The following EFNA5 variants were observed in gnomAD, a reference collection of about 807,000 sequenced individuals.
The protein encoded by EFNA5 is ephrin A5.
Under a neutral mutation model 22.9 loss-of-function variants are expected in EFNA5, and 5 were observed. That is an observed-to-expected ratio of 0.22 (90% CI 0.11 to 0.46). The LOEUF is 0.46. Among genes scored for constraint, EFNA5 ranks in the 20% least tolerant of loss-of-function variants. EFNA5 has a pLI of 0.99. For synonymous variants in EFNA5, 113 were observed against 112.2 expected (o/e 1.01, Z -0.04); for missense variants, 237 against 293.3 (o/e 0.81, Z 1.40).
chr5:107,558,364 A>T (rs184030786), intron 1 of EFNA5, among the ~76,000 whole-genome samples: 1 of 152,114 alleles, frequency 6.6e-6, no homozygotes, highest in Non-Finnish European at 1.5e-5. Context: ...GCTTTCAGGA[A>T]ATAGTAATTT....
intron 1 of EFNA5, among the ~76,000 whole-genome samples, chr5:107,653,870 T>C (rs955764014): frequency 1.3e-5 from 2 of 152,106 alleles, no homozygotes; most frequent in African/African-American, 4.8e-5. Flanking sequence ...TATCAACCAC[T>C]CAAGAGCTTG....
chr5:107,437,810 G>A (rs1033439513), intron 1 of EFNA5, among the ~76,000 whole-genome samples: 2 of 152,028 alleles, frequency 1.3e-5, no homozygotes, highest in African/African-American at 4.8e-5. Context: ...TTTGAGAGAA[G>A]CTAAATATTA....
chr5:107,501,925 T>C (rs915447765), intron 1 of EFNA5, among the ~76,000 whole-genome samples: 1 of 152,210 alleles, frequency 6.6e-6, no homozygotes, highest in African/African-American at 2.4e-5. Context: ...ATTTAAACTG[T>C]TTCTTGCCTT....
At chr5:107,408,809 G>A (rs980640465) in intron 2 of EFNA5, among the ~76,000 whole-genome samples, 5 of 152,166 alleles carry the variant, frequency 3.3e-5, no homozygotes, top group African/African-American at 9.7e-5. Context: ...ATCTTTTATC[G>A]ATTCCTCCTT....
At chr5:107,398,135 T>G (rs1747977805) in intron 2 of EFNA5, among the ~76,000 whole-genome samples, 1 of 152,106 alleles carries the variant, frequency 6.6e-6, no homozygotes, top group Admixed American at 6.5e-5. Context: ...CCAGGCTCCC[T>G]CTTTATCCCT....
chr5:107,636,171 T>C (rs1750369719), intron 1 of EFNA5, among the ~76,000 whole-genome samples: 1 of 152,198 alleles, frequency 6.6e-6, no homozygotes, highest in Non-Finnish European at 1.5e-5. Context: ...TGTGTGTACA[T>C]AAATCTGTTT....
chr5:107,660,295 TA>T (rs1750924012), intron 1 of EFNA5, among the ~76,000 whole-genome samples: 1 of 117,664 alleles, frequency 8.5e-6, no homozygotes, highest in African/African-American at 3.3e-5. Flanking sequence ...TATATATATA[TA>T]TATATATATA....
In EFNA5 at chr5:107,604,310, G is replaced by T. The variant is rs111847101; in HGVS notation, c.125+66179C>A. 2.5e-3 allele frequency among the ~76,000 whole-genome samples: 374 copies of T among 152,134 alleles called. 3 individuals are homozygous for T. The highest frequency in any genetic ancestry group is 7.9e-3 in the African/African-American group (330 of 41,552). On this transcript the variant is annotated intron_variant, in intron 1 of 4. Coordinates refer to ENST00000333274, the MANE Select transcript of EFNA5 (RefSeq NM_001962.3). The stretch of plus-strand genomic sequence containing the variant: ...TCGTCCTGCCTCAGCCTCCCGAGTA[G>T]CTGGGACCATGTATGGGCTTGCACC...
intron 2 of EFNA5, among the ~76,000 whole-genome samples, chr5:107,400,532 C>G (rs1748056313): frequency 6.6e-6 from 1 of 152,126 alleles, no homozygotes; most frequent in African/African-American, 2.4e-5. Context: ...TTGTTTGTTT[C>G]CTGGTTTATT....
chr5:107,450,344 C>G (rs1269266236), intron 1 of EFNA5, among the ~76,000 whole-genome samples: 1 of 152,142 alleles, frequency 6.6e-6, no homozygotes, highest in East Asian at 1.9e-4. Context: ...GTGCTATCAG[C>G]CTCATTGTGA....
intron 1 of EFNA5, among the ~76,000 whole-genome samples, chr5:107,555,070 C>T (rs1300110174): frequency 6.6e-6 from 1 of 152,198 alleles, no homozygotes; most frequent in Non-Finnish European, 1.5e-5. Flanking sequence ...GGGTTCCCCA[C>T]CTCTTGCTCT....
chr5:107,535,624 G>A lies in EFNA5; in HGVS notation c.126-108115C>T, dbSNP rs575863377. Among the ~76,000 whole-genome samples, 3 of 152,126 alleles carry A rather than the reference G, an allele frequency of 2.0e-5. No homozygotes were observed. The East Asian group carries it at 5.8e-4, about 29-fold the overall frequency. On this transcript the variant is annotated intron_variant, in intron 1 of 4. Transcript: ENST00000333274. ...TCTTAAATTTAAAATGGAATATAGA[G>A]CCCTCTAACTGCAGCATAAATAATT...
intron 1 of EFNA5, among the ~76,000 whole-genome samples, chr5:107,535,592 T>G (rs1362871234): frequency 6.6e-6 from 1 of 152,112 alleles, no homozygotes; most frequent in Non-Finnish European, 1.5e-5. Context: ...AAACAGAAAC[T>G]ATATATTCTT....
At chr5:107,637,784 T>C (rs1327376748) in intron 1 of EFNA5, among the ~76,000 whole-genome samples, 1 of 149,432 alleles carries the variant, frequency 6.7e-6, no homozygotes, top group Non-Finnish European at 1.5e-5. Flanking sequence ...ATATAATCAG[T>C]TTAAATTCAA....
At chr5:107,587,995 A>G (rs1749228508) in intron 1 of EFNA5, among the ~76,000 whole-genome samples, 1 of 152,198 alleles carries the variant, frequency 6.6e-6, no homozygotes, top group African/African-American at 2.4e-5. Flanking sequence ...CAACGTGCAC[A>G]AAAGAAAGTA....
At chr5:107,598,354 A>G (rs1042737787) in intron 1 of EFNA5, among the ~76,000 whole-genome samples, 1 of 152,172 alleles carries the variant, frequency 6.6e-6, no homozygotes, top group South Asian at 2.1e-4. Context: ...AATTGAGTGG[A>G]AGAGTAAATA....
chr5:107,494,393 C>T (rs567573741), intron 1 of EFNA5, among the ~76,000 whole-genome samples: 2 of 152,320 alleles, frequency 1.3e-5, no homozygotes, highest in South Asian at 2.1e-4. Flanking sequence ...CCCAGGCCAG[C>T]GGCTGCGGAG....
At chr5:107,568,246 T>C (rs1053239791) in intron 1 of EFNA5, among the ~76,000 whole-genome samples, 3 of 152,032 alleles carry the variant, frequency 2.0e-5, no homozygotes, top group South Asian at 4.2e-4. Flanking sequence ...CATATACACA[T>C]ATATACCCCG....
At chr5:107,523,292 C>T (rs1747631595) in intron 1 of EFNA5, among the ~76,000 whole-genome samples, 1 of 151,792 alleles carries the variant, frequency 6.6e-6, no homozygotes, top group Admixed American at 6.6e-5. Flanking sequence ...GAAATATGTG[C>T]TTCCTTTTTT....
Sources: gnomAD v4.1 joint callset for allele counts (sites outside exome capture counted in the v4.1 genomes callset) on GRCh38, gnomAD v4.1.1 for gene constraint, MANE v1.5 for transcripts, NCBI Gene and HGNC (gene_info 2026-07-23, HGNC 2026-07-21) for gene names.